The following CEP63 variants were observed in gnomAD, a reference collection of about 807,000 sequenced individuals.
The protein encoded by CEP63 is centrosomal protein of 63 kDa.
Under a neutral mutation model 89.1 loss-of-function variants are expected in CEP63, and 84 were observed. The observed-to-expected ratio is 0.94, with a 90% confidence interval of 0.79 to 1.13. The LOEUF (loss-of-function observed/expected upper bound fraction) is 1.13. Among genes scored for constraint, CEP63 ranks in the 50% most tolerant of loss-of-function variants. The pLI is 0.00. For synonymous variants in CEP63, 267 were observed against 272.5 expected (o/e 0.98, Z 0.20); for missense variants, 838 against 813.3 (o/e 1.03, Z -0.37).
downstream of CEP63, among the ~76,000 whole-genome samples, chr3:134,590,301 GA>G (rs1958574692): frequency 6.6e-6 from 1 of 151,778 alleles, no homozygotes; most frequent in Admixed American, 6.6e-5. Flanking sequence ...AATCCAAAAG[GA>G]CCTCCCTATA....
the CEP63 span, among the ~76,000 whole-genome samples, chr3:134,689,680 C>A: frequency 6.6e-6 from 1 of 151,936 alleles, no homozygotes; most frequent in South Asian, 2.1e-4. Context: ...TCTTGAACTC[C>A]TGACATCAAG....
At chr3:134,592,512 G>GTA (rs1335365513), downstream of CEP63, among the ~76,000 whole-genome samples, 1 of 145,060 alleles carries the variant, frequency 6.9e-6, no homozygotes, top group Admixed American at 6.8e-5. Flanking sequence ...GTGTGTGTGT[G>GTA]TGTATGGAGG....
chr3:134,685,075 AT>A, the CEP63 span, among the ~76,000 whole-genome samples: 1 of 152,258 alleles, frequency 6.6e-6, no homozygotes, highest in Non-Finnish European at 1.5e-5. Context: ...TAACATAAAT[AT>A]TTTTTTCATT....
At chr3:134,537,748 C>T (rs942477230) in intron 6 of CEP63, among the ~76,000 whole-genome samples, 3 of 152,186 alleles carry the variant, frequency 2.0e-5, no homozygotes, top group Non-Finnish European at 4.4e-5. Flanking sequence ...TGCCTTGCTC[C>T]ATCCCTATGG....
intron 4 of CEP63, among the ~76,000 whole-genome samples, chr3:134,532,373 C>G (rs1422496766): frequency 1.3e-5 from 2 of 152,110 alleles, no homozygotes; most frequent in African/African-American, 4.8e-5. Flanking sequence ...TTGGAAAAAA[C>G]TGCTTTTATT....
chr3:134,581,679 A>ATTTTT lies in CEP63; in HGVS notation c.1207-5769_1207-5765dup, dbSNP rs1231214008. Among the ~76,000 whole-genome samples, 1,132 of 124,172 alleles carry ATTTTT rather than the reference A, an allele frequency of 9.1e-3. 95 individuals carry two copies. The highest frequency in any genetic ancestry group is 0.016 in the African/African-American group (498 of 30,922). 81.5% of individuals were successfully genotyped at this position (124,172 alleles called of 152,430 possible). A position where few individuals can be genotyped will look rare whatever the true frequency, so the allele number is the denominator to read the frequency against. ...CTCAATACACATTCATGATGAAAAC[A>ATTTTT]TTTTTTTTTTTTTTGAGACGGAGTC... On this transcript the variant is annotated intron_variant, in intron 10 of 10. Transcript: ENST00000683931.
chr3:134,694,659 T>A, the CEP63 span, among the ~76,000 whole-genome samples: 1 of 152,230 alleles, frequency 6.6e-6, no homozygotes, highest in Non-Finnish European at 1.5e-5. Context: ...CTTCACTGCA[T>A]TCTTTCTCAC....
the CEP63 span, among the ~76,000 whole-genome samples, chr3:134,674,325 A>C: frequency 6.6e-6 from 1 of 152,256 alleles, no homozygotes; most frequent in East Asian, 1.9e-4. Flanking sequence ...ATATTAATAG[A>C]ATAAGGACAA....
intron 6 of CEP63, among the ~76,000 whole-genome samples, chr3:134,541,510 C>CA (rs1553772560): frequency 1.6e-5 from 2 of 128,354 alleles, no homozygotes; most frequent in Non-Finnish European, 3.3e-5. Flanking sequence ...TACTAGCCAA[C>CA]TTTTTTTTTT....
intron 11 of CEP63, among the ~76,000 whole-genome samples, chr3:134,551,329 G>T (rs1459212143): frequency 6.6e-6 from 1 of 152,032 alleles, no homozygotes; most frequent in African/African-American, 2.4e-5. Context: ...GAAGAGAAGT[G>T]ACTCAAACCA....
intron 14 of CEP63, among the ~76,000 whole-genome samples, chr3:134,559,862 T>TG (rs560022279): frequency 5.9e-5 from 9 of 152,078 alleles, no homozygotes; most frequent in Non-Finnish European, 1.2e-4. Flanking sequence ...GAGCATGGCT[T>TG]GGGGGTCACA....
the CEP63 span, among the ~76,000 whole-genome samples, chr3:134,643,614 C>T: frequency 6.6e-6 from 1 of 152,336 alleles, no homozygotes; most frequent in South Asian, 2.1e-4. Context: ...TTAGCAGGTG[C>T]CAGCACAGGC....
chr3:134,561,811 C>T lies in CEP63; in HGVS notation c.*276C>T, dbSNP rs73221369. On this transcript the variant is annotated 3_prime_UTR_variant, in exon 15 of 15. Transcript: ENST00000675561. ...ATTTATTATCATAAAGTGATACTTA[C>T]CTTGCTGACTTAAATGTGAATAGCT... 5.8e-3 allele frequency: 7,178 copies of T among 1,230,904 alleles called. 39 individuals are homozygous for T. Among genetic ancestry groups the T allele is most frequent in the Middle Eastern group, 0.014 (41 of 2,966 alleles). 76.2% of individuals were successfully genotyped at this position (1,230,904 alleles called of 1,614,324 possible).
chr3:134,537,815 A>G (rs921997687), intron 6 of CEP63, among the ~76,000 whole-genome samples: 2 of 152,204 alleles, frequency 1.3e-5, no homozygotes, highest in Admixed American at 6.5e-5. Context: ...TAGTCTGCCT[A>G]TGCGGACAGA....
the CEP63 span, among the ~76,000 whole-genome samples, chr3:134,729,884 T>G: frequency 6.6e-6 from 1 of 152,230 alleles, no homozygotes; most frequent in African/African-American, 2.4e-5. Flanking sequence ...ATGTCAGCTC[T>G]ATTAGTTTGA....
the CEP63 span, among the ~76,000 whole-genome samples, chr3:134,661,428 A>G: frequency 1.3e-5 from 2 of 152,106 alleles, no homozygotes; most frequent in Non-Finnish European, 2.9e-5. Flanking sequence ...CCTTCATTCC[A>G]TCTGTAATCA....
the CEP63 span, among the ~76,000 whole-genome samples, chr3:134,722,687 T>TA: frequency 3.3e-5 from 5 of 152,156 alleles, no homozygotes; most frequent in Non-Finnish European, 7.4e-5. Flanking sequence ...TCTAGTGATT[T>TA]AAAAAAATGT....
chr3:134,626,231 C>A, the CEP63 span, among the ~76,000 whole-genome samples: 1 of 152,200 alleles, frequency 6.6e-6, no homozygotes, highest in African/African-American at 2.4e-5. Flanking sequence ...ATGTCGGGAG[C>A]CTCTGGGTGC....
chr3:134,559,282 A>C lies in CEP63; in HGVS notation c.1806A>C (p.Gln602His), dbSNP rs143608581. Residue 602 changes from glutamine to histidine, a missense_variant, in exon 14 of 15, where the codon CAA becomes CAC. Coordinates refer to ENST00000675561, the MANE Select transcript of CEP63 (RefSeq NM_001353108.3). ...MSRVLSPLSP[Q>H]ISPCSSTRSL... Reference sequence around the variant, plus strand: ...GGGTGCTAAGCCCCCTGAGTCCTCAAATCAGCCCTTGCAGCTCCACCAGGT... The same window carrying C: ...GGGTGCTAAGCCCCCTGAGTCCTCACATCAGCCCTTGCAGCTCCACCAGGT... 1.9e-6 allele frequency: 3 copies of C among 1,614,044 alleles called. No homozygotes were observed. The highest frequency in any genetic ancestry group is 1.3e-5 in the African/African-American group (1 of 74,924).
Sources: gnomAD v4.1 joint callset for allele counts (sites outside exome capture counted in the v4.1 genomes callset) on GRCh38, gnomAD v4.1.1 for gene constraint, MANE v1.5 for transcripts, NCBI Gene and HGNC (gene_info 2026-07-23, HGNC 2026-07-21) for gene names.